ATP9B: variants seen among roughly 807,000 people sequenced by gnomAD.
The protein encoded by ATP9B is ATPase phospholipid transporting 9B.
In ATP9B, 110 loss-of-function variants were observed where a neutral mutation model predicts 146.1. The observed-to-expected ratio is 0.75, with a 90% CI of 0.65 to 0.88. The LOEUF (loss-of-function observed/expected upper bound fraction) is 0.88, where lower values mean the gene tolerates loss of function less well. Among genes scored for constraint, ATP9B ranks in the 40% least tolerant of loss-of-function variants. ATP9B has a pLI of 0.00. For missense variants in ATP9B, 1,499 were observed against 1,496.4 expected (o/e 1.00, Z -0.03); for synonymous variants, 604 against 569.7 (o/e 1.06, Z -0.86).
intron 11 of ATP9B, among the ~76,000 whole-genome samples, chr18:79,229,303 C>T (rs2095766617): frequency 6.6e-6 from 1 of 152,142 alleles, no homozygotes. Flanking sequence ...AAATGAGCAG[C>T]TTGTGTATGA....
At chr18:79,088,486 C>G in intron 1 of ATP9B, among the ~76,000 whole-genome samples, 1 of 151,964 alleles carries the variant, frequency 6.6e-6, no homozygotes, top group East Asian at 1.9e-4. Context: ...TAATTTTTTG[C>G]CTAAATTATA....
chr18:79,271,980 T>C (rs1224524893), intron 12 of ATP9B, among the ~76,000 whole-genome samples: 1 of 152,250 alleles, frequency 6.6e-6, no homozygotes, highest in Non-Finnish European at 1.5e-5. Flanking sequence ...TGCATTTCTC[T>C]GATGACCAGT....
intron 6 of ATP9B, among the ~76,000 whole-genome samples, chr18:79,151,646 A>T (rs1452831750): frequency 6.6e-6 from 1 of 152,100 alleles, no homozygotes; most frequent in Non-Finnish European, 1.5e-5. Flanking sequence ...ATTCTACTCC[A>T]ATCAGCGTGC....
At chr18:79,261,207 A>C (rs1222457076) in intron 12 of ATP9B, among the ~76,000 whole-genome samples, 1 of 152,184 alleles carries the variant, frequency 6.6e-6, no homozygotes, top group Non-Finnish European at 1.5e-5. Context: ...ATTTGGGACC[A>C]GTGTAAATTT....
At position 79,370,674 on chromosome 18, in the gene ATP9B, G is replaced by C. The variant is rs148488823; in HGVS notation, c.3013-2151G>C. 1.2e-3 allele frequency among the ~76,000 whole-genome samples: 187 copies of C among 152,202 alleles called. 2 individuals are homozygous for C. The highest frequency in any genetic ancestry group is 4.5e-3 in the African/African-American group (185 of 41,528). ...TGATGTTTTTTGTACCCATTCTGTT[G>C]TGTTTGCTTTTATTAATCTATAATA... On this transcript the variant is annotated intron_variant, in intron 26 of 29. Coordinates refer to ENST00000426216, the MANE Select transcript of ATP9B (RefSeq NM_198531.5).
chr18:79,348,120 C>T lies in ATP9B; in HGVS notation c.2839-12C>T. 6.2e-7 allele frequency: 1 copy of T among 1,613,860 alleles called. No individual in the cohort carries two copies. The highest frequency in any genetic ancestry group is 8.5e-7 in the Non-Finnish European group (1 of 1,179,902). On this transcript the variant is annotated splice_polypyrimidine_tract_variant and intron_variant, in intron 24 of 29. Coordinates refer to ENST00000426216, the MANE Select transcript of ATP9B (RefSeq NM_198531.5). ...ACTGACAGTTGTCTTCGTCTGTGGG[C>T]TCTCTCTCCAGGCTGTGTTTTCCTC...
chr18:79,331,647 TAA>T (rs979634262), intron 17 of ATP9B, among the ~76,000 whole-genome samples: 1 of 152,084 alleles, frequency 6.6e-6, no homozygotes, highest in Non-Finnish European at 1.5e-5. Flanking sequence ...GAGCTGGAGT[TAA>T]AAGTGTATTA....
intron 11 of ATP9B, among the ~76,000 whole-genome samples, chr18:79,217,342 G>T (rs750597622): frequency 6.6e-6 from 1 of 152,114 alleles, no homozygotes; most frequent in African/African-American, 2.4e-5. Flanking sequence ...CCACCGCCAC[G>T]CCTGGCTAAT....
intron 26 of ATP9B, chr18:79,359,701 C>T: frequency 2.0e-6 from 1 of 494,036 alleles, no homozygotes. Flanking sequence ...CAATAAAGCT[C>T]TAATATCATA....
chr18:79,194,595 G>C (rs2095401175), intron 9 of ATP9B: 4 of 152,196 alleles, frequency 2.6e-5, no homozygotes, highest in Non-Finnish European at 5.9e-5. Flanking sequence ...GATAAATACA[G>C]ATGTTTTAAA....
chr18:79,264,888 T>C (rs566565889), intron 12 of ATP9B, among the ~76,000 whole-genome samples: 7 of 152,198 alleles, frequency 4.6e-5, no homozygotes, highest in Non-Finnish European at 8.8e-5. Context: ...ACAAACTGTG[T>C]TTGTTAACAG....
At chr18:79,245,203 A>C (rs1568481840) in intron 11 of ATP9B, among the ~76,000 whole-genome samples, 1 of 152,210 alleles carries the variant, frequency 6.6e-6, no homozygotes. Flanking sequence ...TAAGGGTTAG[A>C]GAATAGGTTC....
rs148375662 is a variant in ATP9B, at chr18:79,220,192, A to T, written c.1107+6154A>T. 4.2e-3 allele frequency among the ~76,000 whole-genome samples: 647 copies of T among 152,284 alleles called. 3 individuals are homozygous for T. The highest frequency in any genetic ancestry group is 0.01 in the Middle Eastern group (3 of 294). ...AAGCAAAGTAGTTATTGGTGGTAAG[A>T]CTTCGAGTACAGTGATGAAAATGAG... On this transcript the variant is annotated intron_variant, in intron 11 of 29. Coordinates refer to ENST00000426216, the MANE Select transcript of ATP9B (RefSeq NM_198531.5).
chr18:79,141,829 A>C (rs1179098569), intron 5 of ATP9B, among the ~76,000 whole-genome samples: 3 of 152,228 alleles, frequency 2.0e-5, no homozygotes, highest in Non-Finnish European at 4.4e-5. Context: ...TATTTAATGT[A>C]AGTGTAGGCT....
intron 10 of ATP9B, among the ~76,000 whole-genome samples, chr18:79,211,411 A>G (rs998758878): frequency 6.6e-6 from 1 of 152,240 alleles, no homozygotes; most frequent in Non-Finnish European, 1.5e-5. Context: ...GAAGTTGGAC[A>G]TGATAGGGTT....
intron 1 of ATP9B, among the ~76,000 whole-genome samples, chr18:79,071,197 A>G (rs2071727802): frequency 6.6e-6 from 1 of 150,920 alleles, no homozygotes; most frequent in African/African-American, 2.4e-5. Context: ...ACCATGGTGT[A>G]TTGCTGTATT....
intron 11 of ATP9B, among the ~76,000 whole-genome samples, chr18:79,229,230 C>T (rs2095765540): frequency 6.6e-6 from 1 of 152,188 alleles, no homozygotes; most frequent in Non-Finnish European, 1.5e-5. Context: ...CCTGGGCACT[C>T]TCCCACCCCA....
At chr18:79,119,339 A>G (rs1227719050) in intron 4 of ATP9B, among the ~76,000 whole-genome samples, 2 of 152,210 alleles carry the variant, frequency 1.3e-5, no homozygotes, top group Non-Finnish European at 2.9e-5. Flanking sequence ...AAGCACACAC[A>G]CGTCTGTTTA....
At chr18:79,350,332 C>A (rs1568789015) in intron 25 of ATP9B, among the ~76,000 whole-genome samples, 1 of 152,260 alleles carries the variant, frequency 6.6e-6, no homozygotes, top group Non-Finnish European at 1.5e-5. Context: ...CGCACAAGTG[C>A]CTCTGTTTTA....
Sources: gnomAD v4.1 joint callset for allele counts (sites outside exome capture counted in the v4.1 genomes callset) on GRCh38, gnomAD v4.1.1 for gene constraint, MANE v1.5 for transcripts, NCBI Gene and HGNC (gene_info 2026-07-23, HGNC 2026-07-21) for gene names.